Variants in SEMA3E observed in about 807,000 individuals in gnomAD.
SEMA3E encodes the protein semaphorin-3E.
In SEMA3E, 49 loss-of-function variants were observed where a neutral mutation model predicts 93.6. That is an observed-to-expected ratio of 0.52 (90% CI 0.42 to 0.66). The LOEUF (loss-of-function observed/expected upper bound fraction) is 0.66, where lower values mean the gene tolerates loss of function less well. Among genes scored for constraint, SEMA3E ranks in the 30% least tolerant of loss-of-function variants. The probability of loss-of-function intolerance (pLI) is 0.00; values close to 1 mark genes in which losing one functional copy is unlikely to be tolerated. For missense variants in SEMA3E, 906 were observed against 964.8 expected, an observed-to-expected ratio of 0.94 and a Z score of 0.81; for synonymous variants, 363 against 330.7, an observed-to-expected ratio of 1.10 and a Z score of -1.06.
intron 4 of SEMA3E, among the ~76,000 whole-genome samples, chr7:83,420,584 C>G (rs1389005982): frequency 2.0e-5 from 3 of 152,132 alleles, no homozygotes; most frequent in Non-Finnish European, 4.4e-5. Context: ...TAGTACAAGA[C>G]TACAGTAAGT....
At chr7:83,399,358 C>T (rs1215990751) in intron 11 of SEMA3E, among the ~76,000 whole-genome samples, 1 of 151,992 alleles carries the variant, frequency 6.6e-6, no homozygotes, top group Admixed American at 6.6e-5. Flanking sequence ...TTGAAAATAT[C>T]ACTTGTAGCA....
At chr7:83,400,480 T>C (rs1788217063) in intron 10 of SEMA3E, among the ~76,000 whole-genome samples, 1 of 152,104 alleles carries the variant, frequency 6.6e-6, no homozygotes, top group African/African-American at 2.4e-5. Flanking sequence ...ACAGATTATT[T>C]TGTCACCCAG....
intron 1 of SEMA3E, among the ~76,000 whole-genome samples, chr7:83,529,309 A>G (rs1489690065): frequency 1.3e-5 from 2 of 152,112 alleles, no homozygotes; most frequent in African/African-American, 4.8e-5. Context: ...TAGTTTGCCC[A>G]TGACCTTGCT....
chr7:83,628,468 T>C (rs2115662330), intron 1 of SEMA3E, among the ~76,000 whole-genome samples: 1 of 152,164 alleles, frequency 6.6e-6, no homozygotes, highest in East Asian at 1.9e-4. Context: ...CCATGTTTCT[T>C]GGAGGCTTTT....
At chr7:83,604,258 A>G (rs2115993441) in intron 1 of SEMA3E, among the ~76,000 whole-genome samples, 1 of 152,146 alleles carries the variant, frequency 6.6e-6, no homozygotes, top group Middle Eastern at 3.4e-3. Context: ...AGAGAAAGGA[A>G]ACTTCTTTCT....
chr7:83,508,966 G>A (rs991405930), intron 1 of SEMA3E, among the ~76,000 whole-genome samples: 1 of 152,120 alleles, frequency 6.6e-6, no homozygotes, highest in Admixed American at 6.5e-5. Context: ...GTTTTCAGTA[G>A]GGTTTAATCT....
intron 7 of SEMA3E, among the ~76,000 whole-genome samples, chr7:83,406,327 C>A (rs541261081): frequency 1.2e-4 from 18 of 151,996 alleles, no homozygotes; most frequent in African/African-American, 3.9e-4. Flanking sequence ...ATTAATACTG[C>A]AAACTCTCCT....
At chr7:83,565,580 A>G (rs1268784990) in intron 1 of SEMA3E, among the ~76,000 whole-genome samples, 1 of 152,214 alleles carries the variant, frequency 6.6e-6, no homozygotes, top group Non-Finnish European at 1.5e-5. Context: ...ATTAATAGCA[A>G]ATGTATGAAG....
chr7:83,388,371 T>A (rs2116921162), intron 14 of SEMA3E, among the ~76,000 whole-genome samples: 1 of 149,282 alleles, frequency 6.7e-6, no homozygotes, highest in South Asian at 2.1e-4. Context: ...ACATTATATA[T>A]AAAATGATTT....
At chr7:83,441,128 T>C (rs1389979958) in intron 4 of SEMA3E, among the ~76,000 whole-genome samples, 1 of 152,126 alleles carries the variant, frequency 6.6e-6, no homozygotes, top group Admixed American at 6.6e-5. Context: ...ATAATGATAG[T>C]CCTGGCAGGA....
chr7:83,530,877 G>A (rs186264313), intron 1 of SEMA3E, among the ~76,000 whole-genome samples: 2,915 of 103,586 alleles, frequency 0.028, 92 homozygotes, highest in African/African-American at 0.072. Context: ...AAACTCCGTC[G>A]GGGGAAAAAA....
intron 1 of SEMA3E, among the ~76,000 whole-genome samples, chr7:83,616,363 A>G (rs746893231): frequency 3.9e-5 from 6 of 152,180 alleles, no homozygotes; most frequent in Non-Finnish European, 5.9e-5. Context: ...TATGTGTGTT[A>G]TAGACCAAAC....
chr7:83,564,759 G>T (rs554611312), intron 1 of SEMA3E, among the ~76,000 whole-genome samples: 2 of 152,088 alleles, frequency 1.3e-5, no homozygotes, highest in Admixed American at 1.3e-4. Context: ...GTTCAGGAAT[G>T]TTGTAATAGG....
chr7:83,542,586 C>T lies in SEMA3E; in HGVS notation c.116-52312G>A, dbSNP rs1791558996. 4.0e-5 allele frequency among the ~76,000 whole-genome samples: 6 copies of T among 151,446 alleles called. No homozygotes were observed. In the South Asian group the frequency reaches 1.2e-3, roughly 31 times the overall value. On this transcript the variant is annotated intron_variant, in intron 1 of 16. Coordinates refer to ENST00000643230, the MANE Select transcript of SEMA3E (RefSeq NM_012431.3). ...TGAATAGTTGACTAAATAAAATAAA[C>T]AAAATCCATAAAAAAAAAACTGACC...
chr7:83,533,238 A>C (rs1322808378), intron 1 of SEMA3E, among the ~76,000 whole-genome samples: 1 of 152,078 alleles, frequency 6.6e-6, no homozygotes, highest in African/African-American at 2.4e-5. Context: ...ACATACTTGG[A>C]ATTAAAACAA....
chr7:83,428,274 G>T (rs528791315), intron 4 of SEMA3E, among the ~76,000 whole-genome samples: 120 of 152,258 alleles, frequency 7.9e-4, no homozygotes, highest in African/African-American at 2.8e-3. Context: ...ATACTCTTTT[G>T]CTTGTCTTCA....
At chr7:83,617,830 T>TA (rs1263762109) in intron 1 of SEMA3E, among the ~76,000 whole-genome samples, 4 of 151,864 alleles carry the variant, frequency 2.6e-5, no homozygotes, top group African/African-American at 9.6e-5. Flanking sequence ...AATATCAATA[T>TA]AAAACATGAT....
At chr7:83,514,401 T>C (rs1790886003) in intron 1 of SEMA3E, among the ~76,000 whole-genome samples, 1 of 152,118 alleles carries the variant, frequency 6.6e-6, no homozygotes, top group African/African-American at 2.4e-5. Context: ...AGTCCTCTCT[T>C]GGGGTCTGGA....
chr7:83,448,257 C>A (rs760245609), intron 4 of SEMA3E, among the ~76,000 whole-genome samples: 1 of 152,150 alleles, frequency 6.6e-6, no homozygotes, highest in Non-Finnish European at 1.5e-5. Context: ...TTCAACTTGA[C>A]TACACTAATA....
Sources: allele counts gnomAD v4.1 joint callset (sites outside exome capture counted in the v4.1 genomes callset), GRCh38; gene constraint gnomAD v4.1.1; transcripts MANE v1.5; gene names NCBI Gene and HGNC (gene_info 2026-07-23, HGNC 2026-07-21).